The following CDKL5 variants were observed in gnomAD, a reference collection of about 807,000 sequenced individuals.
CDKL5 encodes cyclin dependent kinase like 5, also known as cyclin-dependent kinase-like 5.
A neutral mutation model predicts 61.7 loss-of-function variants in CDKL5; 8 were observed. The ratio of observed to expected loss-of-function variants is 0.13; its 90% CI spans 0.08 to 0.23. CDKL5 has a LOEUF of 0.23. Ranked by LOEUF, CDKL5 falls within the 10% of genes least tolerant of loss-of-function variation. The pLI is 1.00. For synonymous variants in CDKL5, 275 were observed against 272.3 expected, an observed-to-expected ratio of 1.01 and a Z score of -0.10; for missense variants, 440 against 734.5, an observed-to-expected ratio of 0.60 and a Z score of 4.63.
In CDKL5 at chrX:18,637,750, A is replaced by C. The variant is rs989576089; in HGVS notation, c.*8993A>C. ...GTTGTGAAGATTTAATGAGATAATAACCTGCAGAGCACTTGAGAGTCTCAA... is the reference window on the plus strand; with the variant it reads ...GTTGTGAAGATTTAATGAGATAATACCCTGCAGAGCACTTGAGAGTCTCAA... On this transcript the variant is annotated 3_prime_UTR_variant, in exon 18 of 18. Transcript: ENST00000623535. 9.0e-6 allele frequency: 1 copy of C among 111,423 alleles called. No homozygotes were observed. The highest frequency in any genetic ancestry group is 9.6e-5 in the Admixed American group (1 of 10,416). The allele number at this position is 111,423 out of a possible 1,213,427, so 9.2% of individuals were successfully genotyped here.
intron 3 of CDKL5, among the ~76,000 whole-genome samples, chrX:18,514,587 G>T (rs1218721401): frequency 9.3e-6 from 1 of 107,939 alleles, no homozygotes; most frequent in Non-Finnish European, 1.9e-5. Context: ...CATGCTTTTA[G>T]TCCCAGCTAC....
At chrX:18,648,434 A>G (rs1188512274) in intron 20 of CDKL5, among the ~76,000 whole-genome samples, 1 of 109,125 alleles carries the variant, frequency 9.2e-6, no homozygotes, top group East Asian at 3.0e-4. Flanking sequence ...TAGAGACAGG[A>G]TTTTGCCATG....
intron 1 of CDKL5, chrX:18,426,694 C>T (rs1332388949): frequency 8.9e-6 from 1 of 112,392 alleles, no homozygotes; most frequent in Non-Finnish European, 1.9e-5. Flanking sequence ...TGATTTCTTT[C>T]TGTGCATCTG....
rs1322396975 is a variant in CDKL5, at chrX:18,632,478, ATGTCTT to A, written c.*3725_*3730del. ...TTTCAGCTGTGTCTCCCGAAAGAAA[ATGTCTT>A]TGTTTTTTATTCAAGTCATTTAATA... is the stretch of plus-strand genomic sequence containing the variant. On this transcript the variant is annotated 3_prime_UTR_variant, in exon 18 of 18. Transcript: ENST00000623535. 1 of 753,046 alleles carries A rather than the reference ATGTCTT, an allele frequency of 1.3e-6. No homozygotes were observed. Among genetic ancestry groups the A allele is most frequent in the African/African-American group, 2.3e-5 (1 of 43,342 alleles). 62.1% of individuals were successfully genotyped at this position (753,046 alleles called of 1,213,427 possible). A position where few individuals can be genotyped will look rare whatever the true frequency, so the allele number is the denominator to read the frequency against.
intron 1 of CDKL5, among the ~76,000 whole-genome samples, chrX:18,443,338 C>T (rs1476173464): frequency 1.8e-5 from 2 of 111,639 alleles, no homozygotes; most frequent in East Asian, 5.6e-4. Flanking sequence ...TGTGTTTTGA[C>T]AAATTTGTAA....
At chrX:18,455,969 G>A (rs1431078592) in intron 1 of CDKL5, among the ~76,000 whole-genome samples, 1 of 111,634 alleles carries the variant, frequency 9.0e-6, no homozygotes, top group Non-Finnish European at 1.9e-5. Context: ...CTGATCCACA[G>A]TTGATACCCA....
chrX:18,453,066 G>A (rs768858055), intron 1 of CDKL5, among the ~76,000 whole-genome samples: 2 of 110,369 alleles, frequency 1.8e-5, no homozygotes, highest in Admixed American at 1.9e-4. Context: ...TCCTGACCTC[G>A]TGATCCATCC....
At chrX:18,623,705 T>C (rs1881972347) in intron 16 of CDKL5, among the ~76,000 whole-genome samples, 1 of 111,718 alleles carries the variant, frequency 9.0e-6, no homozygotes, top group Admixed American at 9.5e-5. Context: ...ATTTGCATTA[T>C]TGACATCTTC....
chrX:18,637,470 G>A lies in CDKL5; in HGVS notation c.*8713G>A, dbSNP rs1271045424. ...CCAGCCACTCGGGAGGCTGAGGCAGGAGAATCACTTGAACCCAAAAGGCAG... is the reference window on the plus strand; with the variant it reads ...CCAGCCACTCGGGAGGCTGAGGCAGAAGAATCACTTGAACCCAAAAGGCAG... On this transcript the variant is annotated 3_prime_UTR_variant, in exon 18 of 18. Transcript: ENST00000623535. The A allele has an allele frequency of 9.0e-6, 1 of 110,598 alleles. No homozygotes were observed. Among genetic ancestry groups the A allele is most frequent in the African/African-American group, 3.3e-5 (1 of 30,335 alleles). The allele number at this position is 110,598 out of a possible 1,213,427, so 9.1% of individuals were successfully genotyped here. A position where few individuals can be genotyped will look rare whatever the true frequency, so the allele number is the denominator to read the frequency against.
intron 9 of CDKL5, among the ~76,000 whole-genome samples, chrX:18,590,165 G>T (rs1035187749): frequency 1.8e-5 from 2 of 111,341 alleles, no homozygotes; most frequent in African/African-American, 3.3e-5. Context: ...GTCAATTTTG[G>T]CTTTTGTTGC....
At chrX:18,514,510 C>T (rs1040102794) in intron 3 of CDKL5, among the ~76,000 whole-genome samples, 1 of 110,277 alleles carries the variant, frequency 9.1e-6, no homozygotes, top group Admixed American at 9.7e-5. Context: ...AGTTCAAGAT[C>T]AGCCTGGCCA....
Position 18,425,616 on chromosome X carries a change from C to T in CDKL5, c.-242C>T, listed in dbSNP as rs1035026244. ...GGCCGGAGGTTTCGATTAGTTGTCT[C>T]TGCCGCTGGGGAAGGTAAAGCGGCG... On this transcript the variant is annotated 5_prime_UTR_variant, in exon 1 of 18. Coordinates refer to ENST00000623535, the MANE Select transcript of CDKL5 (RefSeq NM_001323289.2). The T allele has an allele frequency of 8.9e-6, 1 of 112,665 alleles. No homozygotes were observed. The highest frequency in any genetic ancestry group is 1.9e-5 in the Non-Finnish European group (1 of 53,240). 9.3% of individuals were successfully genotyped at this position (112,665 alleles called of 1,213,427 possible).
intron 1 of CDKL5, among the ~76,000 whole-genome samples, chrX:18,506,574 T>C (rs1922586700): frequency 8.9e-6 from 1 of 112,557 alleles, no homozygotes; most frequent in South Asian, 3.6e-4. Flanking sequence ...ACAAGTTTCA[T>C]GTCATTGTAT....
At chrX:18,428,403 G>C (rs1766580020) in intron 1 of CDKL5, among the ~76,000 whole-genome samples, 1 of 112,410 alleles carries the variant, frequency 8.9e-6, no homozygotes, top group South Asian at 3.6e-4. Flanking sequence ...CAACGTGTCT[G>C]TTAAAATTCA....
intron 3 of CDKL5, among the ~76,000 whole-genome samples, chrX:18,520,769 A>G (rs958106008): frequency 1.8e-5 from 2 of 111,729 alleles, no homozygotes; most frequent in Non-Finnish European, 3.8e-5. Context: ...CCTCATTGAG[A>G]CAAAGTCTCA....
chrX:18,624,160 A>G (rs768356947), intron 16 of CDKL5, among the ~76,000 whole-genome samples: 68 of 112,116 alleles, frequency 6.1e-4, no homozygotes, highest in Non-Finnish European at 1.1e-3. Context: ...ATTCATTGCC[A>G]TTCTTCTGAA....
intron 1 of CDKL5, among the ~76,000 whole-genome samples, chrX:18,503,395 T>C (rs1922458411): frequency 8.9e-6 from 1 of 111,903 alleles, no homozygotes; most frequent in Non-Finnish European, 1.9e-5. Context: ...TGTTGCCCAG[T>C]CTGGTCTCGA....
intron 1 of CDKL5, among the ~76,000 whole-genome samples, chrX:18,453,178 T>C (rs1932062823): frequency 2.7e-5 from 3 of 111,653 alleles, no homozygotes; most frequent in African/African-American, 9.8e-5. Flanking sequence ...CACACAACTT[T>C]ACTGTAACCC....
At chrX:18,555,545 A>G (rs950154040) in intron 3 of CDKL5, among the ~76,000 whole-genome samples, 5 of 112,333 alleles carry the variant, frequency 4.5e-5, no homozygotes, top group African/African-American at 1.6e-4. Flanking sequence ...TTCAAAAGGC[A>G]GGAGATCCAC....
Sources: gnomAD v4.1 joint callset for allele counts (sites outside exome capture counted in the v4.1 genomes callset) on GRCh38, gnomAD v4.1.1 for gene constraint, MANE v1.5 for transcripts, NCBI Gene and HGNC (gene_info 2026-07-23, HGNC 2026-07-21) for gene names.